The following LHFPL3 variants were observed in gnomAD, a reference collection of about 807,000 sequenced individuals.
LHFPL3 encodes the protein LHFPL tetraspan subfamily member 3 protein.
Under a neutral mutation model 19.3 loss-of-function variants are expected in LHFPL3, and 5 were observed. That is an observed-to-expected ratio of 0.26 (90% CI 0.14 to 0.54). The LOEUF is 0.54. Ranked by LOEUF, LHFPL3 falls within the 20% of genes least tolerant of loss-of-function variation. LHFPL3 has a pLI of 0.94. For synonymous variants in LHFPL3, 133 were observed against 126.2 expected (o/e 1.05, Z -0.36); for missense variants, 249 against 307.4 (o/e 0.81, Z 1.42).
chr7:104,563,014 C>T (rs993218524), intron 1 of LHFPL3, among the ~76,000 whole-genome samples: 15 of 152,308 alleles, frequency 9.8e-5, no homozygotes, highest in Admixed American at 9.2e-4. Flanking sequence ...GGTCAGGGAC[C>T]CACTTGAGGA....
At chr7:104,722,068 G>A (rs776646427) in intron 1 of LHFPL3, among the ~76,000 whole-genome samples, 12 of 152,016 alleles carry the variant, frequency 7.9e-5, no homozygotes, top group Non-Finnish European at 1.5e-4. Flanking sequence ...CTTAAAATTT[G>A]GGTAAATTAG....
intron 1 of LHFPL3, among the ~76,000 whole-genome samples, chr7:104,431,228 A>T (rs751064897): frequency 5.9e-5 from 9 of 152,178 alleles, no homozygotes; most frequent in Non-Finnish European, 1.2e-4. Flanking sequence ...TAAATTGATC[A>T]TCATAACAGT....
Position 104,548,996 on chromosome 7 carries a change from G to C in LHFPL3, c.446-187679G>C, listed in dbSNP as rs189858383. 1.4e-3 allele frequency among the ~76,000 whole-genome samples: 217 copies of C among 152,302 alleles called. 1 individual carries two copies. The highest frequency in any genetic ancestry group is 4.9e-3 in the African/African-American group (203 of 41,570). ...AATTTCAGTCAGGAAATATGTGGGA[G>C]AAATGGACATTACTTCAACTCTGAA... On this transcript the variant is annotated intron_variant, in intron 1 of 2. Coordinates refer to ENST00000424859, the MANE Select transcript of LHFPL3 (RefSeq NM_199000.3).
intron 2 of LHFPL3, among the ~76,000 whole-genome samples, chr7:104,759,422 C>T (rs78303697): frequency 0.012 from 1,855 of 152,016 alleles, 50 homozygotes; most frequent in East Asian, 0.1. Context: ...ACCCAATATA[C>T]CCAAACTTTT....
At chr7:104,560,932 G>A (rs563110901) in intron 1 of LHFPL3, among the ~76,000 whole-genome samples, 4,390 of 148,812 alleles carry the variant, frequency 0.03, 230 homozygotes, top group African/African-American at 0.11. Flanking sequence ...CCTTCATTTC[G>A]TTATGTACCC....
At chr7:104,537,240 G>A (rs1003999367) in intron 1 of LHFPL3, among the ~76,000 whole-genome samples, 2 of 152,082 alleles carry the variant, frequency 1.3e-5, no homozygotes, top group African/African-American at 4.8e-5. Flanking sequence ...TGGAGATGTG[G>A]GGGAGAGTGA....
intron 1 of LHFPL3, among the ~76,000 whole-genome samples, chr7:104,536,418 T>G (rs1478352898): frequency 6.6e-6 from 1 of 152,224 alleles, no homozygotes; most frequent in Non-Finnish European, 1.5e-5. Flanking sequence ...ATTTTGCCTC[T>G]ACTTTAATAC....
chr7:104,592,869 G>T (rs1181062130), intron 1 of LHFPL3, among the ~76,000 whole-genome samples: 2 of 152,132 alleles, frequency 1.3e-5, no homozygotes, highest in Non-Finnish European at 2.9e-5. Context: ...TGCTAGCAGT[G>T]AGTGAGGCTC....
chr7:104,675,147 C>G (rs530056294), intron 1 of LHFPL3, among the ~76,000 whole-genome samples: 2 of 152,292 alleles, frequency 1.3e-5, no homozygotes, highest in South Asian at 4.2e-4. Context: ...TGGTGGGAGG[C>G]AGTATACTTC....
Position 104,476,725 on chromosome 7 carries a change from G to T in LHFPL3, c.445+147501G>T, listed in dbSNP as rs193050722. Among the ~76,000 whole-genome samples, 1,328 of 152,242 alleles carry T rather than the reference G, an allele frequency of 8.7e-3. 7 individuals carry two copies. The highest frequency in any genetic ancestry group is 0.022 in the South Asian group (105 of 4,824). On this transcript the variant is annotated intron_variant, in intron 1 of 2. Coordinates refer to ENST00000424859, the MANE Select transcript of LHFPL3 (RefSeq NM_199000.3). ...TCTGCCCACCTCAGCCTCCCAGAGT[G>T]CTGGGATTACAGGCATGAGCCACCA...
intron 1 of LHFPL3, among the ~76,000 whole-genome samples, chr7:104,595,465 A>C (rs1346551334): frequency 6.6e-6 from 1 of 152,154 alleles, no homozygotes; most frequent in Non-Finnish European, 1.5e-5. Context: ...CCTATATGAG[A>C]TGTCTGTCGG....
At position 104,491,149 on chromosome 7, in the gene LHFPL3, C is replaced by T. The variant is rs1028215924; in HGVS notation, c.445+161925C>T. 3.1e-5 allele frequency among the ~76,000 whole-genome samples: 4 copies of T among 127,150 alleles called. No homozygotes were observed. The South Asian group carries it at 7.1e-4, about 23-fold the overall frequency. The allele number at this position is 127,150 out of a possible 152,430, so 83.4% of individuals were successfully genotyped here. A position where few individuals can be genotyped will look rare whatever the true frequency, so the allele number is the denominator to read the frequency against. Reference sequence around the variant, plus strand: ...AAGACAACTTAGGGTTGAGATTAGACCAGAGGCTGTAACACTGTGTTGCAT... The same window carrying T: ...AAGACAACTTAGGGTTGAGATTAGATCAGAGGCTGTAACACTGTGTTGCAT... On this transcript the variant is annotated intron_variant, in intron 1 of 2. Coordinates refer to ENST00000424859, the MANE Select transcript of LHFPL3 (RefSeq NM_199000.3).
chr7:104,465,075 G>A (rs1792751154), intron 1 of LHFPL3, among the ~76,000 whole-genome samples: 1 of 152,080 alleles, frequency 6.6e-6, no homozygotes, highest in Non-Finnish European at 1.5e-5. Context: ...GATCTCTGGG[G>A]CAGGGGCAAA....
chr7:104,817,593 A>G (rs1790579957), intron 2 of LHFPL3, among the ~76,000 whole-genome samples: 1 of 152,186 alleles, frequency 6.6e-6, no homozygotes, highest in Non-Finnish European at 1.5e-5. Flanking sequence ...ATAGCTGAGG[A>G]CAAAAACAAC....
intron 1 of LHFPL3, among the ~76,000 whole-genome samples, chr7:104,458,433 C>T (rs560830530): frequency 9.9e-5 from 15 of 152,120 alleles, no homozygotes; most frequent in East Asian, 9.7e-4. Flanking sequence ...TGTAGATATG[C>T]GGTGTTATTT....
At chr7:104,538,604 A>G (rs1038596182) in intron 1 of LHFPL3, among the ~76,000 whole-genome samples, 1 of 152,256 alleles carries the variant, frequency 6.6e-6, no homozygotes, top group Admixed American at 6.5e-5. Flanking sequence ...AGAAGGAGGT[A>G]CTTGCCCAGA....
At chr7:104,526,091 A>G (rs189240586) in intron 1 of LHFPL3, among the ~76,000 whole-genome samples, 1 of 152,212 alleles carries the variant, frequency 6.6e-6, no homozygotes, top group Admixed American at 6.5e-5. Flanking sequence ...AAAGATTTTG[A>G]TTGATGTCAC....
intron 1 of LHFPL3, among the ~76,000 whole-genome samples, chr7:104,608,427 A>G (rs1377130532): frequency 8.2e-5 from 12 of 146,452 alleles, no homozygotes; most frequent in African/African-American, 3.0e-4. Context: ...GTTCTCACTC[A>G]TAGGTGGGAA....
chr7:104,788,184 A>T (rs937863096), intron 2 of LHFPL3, among the ~76,000 whole-genome samples: 6 of 152,212 alleles, frequency 3.9e-5, no homozygotes, highest in African/African-American at 1.4e-4. Context: ...TTCTGTTCTT[A>T]TAATCTCTGA....
Sources: allele counts gnomAD v4.1 joint callset (sites outside exome capture counted in the v4.1 genomes callset), GRCh38; gene constraint gnomAD v4.1.1; transcripts MANE v1.5; gene names NCBI Gene and HGNC (gene_info 2026-07-23, HGNC 2026-07-21).